Variants in DPP10 observed in about 807,000 individuals in gnomAD.
DPP10 encodes inactive dipeptidyl peptidase 10.
In DPP10, 33 loss-of-function variants were observed where a neutral mutation model predicts 120.9. That is an observed-to-expected ratio of 0.27 (90% CI 0.21 to 0.37). The LOEUF is 0.37. Among genes scored for constraint, DPP10 ranks in the 10% least tolerant of loss-of-function variants. The pLI, the probability that DPP10 is intolerant of heterozygous loss-of-function variation, is 1.00. For missense variants in DPP10, 816 were observed against 942.8 expected (o/e 0.87, Z 1.76); for synonymous variants, 337 against 326.1 (o/e 1.03, Z -0.36).
chr2:115,528,036 A>C (rs935255221), intron 5 of DPP10, among the ~76,000 whole-genome samples: 3 of 152,150 alleles, frequency 2.0e-5, no homozygotes, highest in Non-Finnish European at 4.4e-5. Flanking sequence ...ATATGTGTGC[A>C]TGTGTCTTTA....
intron 4 of DPP10, among the ~76,000 whole-genome samples, chr2:115,503,363 T>C (rs1189588387): frequency 6.6e-6 from 1 of 152,172 alleles, no homozygotes; most frequent in African/African-American, 2.4e-5. Context: ...GTTGGGTATA[T>C]GGAGGTGATA....
intron 1 of DPP10, among the ~76,000 whole-genome samples, chr2:115,299,638 A>G (rs1441165672): frequency 1.3e-5 from 2 of 152,072 alleles, no homozygotes; most frequent in African/African-American, 4.8e-5. Context: ...AATTCAATCT[A>G]TAAAATAGAA....
intron 1 of DPP10, among the ~76,000 whole-genome samples, chr2:114,487,111 C>T (rs963545110): frequency 6.6e-6 from 1 of 152,128 alleles, no homozygotes; most frequent in Non-Finnish European, 1.5e-5. Flanking sequence ...TAACTAGCCT[C>T]TTGAACTCCA....
At position 115,007,274 on chromosome 2, in the gene DPP10, G is replaced by A. The variant is rs535756507; in HGVS notation, c.61-301965G>A. Among the ~76,000 whole-genome samples, 185 of 152,204 alleles carry A rather than the reference G, an allele frequency of 1.2e-3. 1 individual carries two copies. The highest frequency in any genetic ancestry group is 4.2e-3 in the African/African-American group (174 of 41,530). On this transcript the variant is annotated intron_variant, in intron 1 of 25. Transcript: ENST00000410059. ...GGGATGCAAGCCTGGTTCAATATAC[G>A]CAAATCAATAAATCTAATCCAGCAT...
chr2:115,564,876 T>C (rs1023843775), intron 5 of DPP10, among the ~76,000 whole-genome samples: 7 of 152,102 alleles, frequency 4.6e-5, no homozygotes, highest in Non-Finnish European at 7.4e-5. Flanking sequence ...TGGGTTAGAG[T>C]GGGAAGAGCT....
chr2:115,759,532 G>T (rs188668526), intron 11 of DPP10, among the ~76,000 whole-genome samples: 14 of 152,090 alleles, frequency 9.2e-5, no homozygotes, highest in Non-Finnish European at 1.6e-4. Flanking sequence ...CTGTTAAAGA[G>T]GACGTGAAAA....
At chr2:114,740,058 G>A (rs891951950) in intron 1 of DPP10, among the ~76,000 whole-genome samples, 47 of 151,696 alleles carry the variant, frequency 3.1e-4, no homozygotes, top group African/African-American at 9.7e-4. Context: ...ACATGCACAC[G>A]TATGTTTATT....
intron 1 of DPP10, among the ~76,000 whole-genome samples, chr2:115,192,494 G>A (rs1236739300): frequency 6.6e-6 from 1 of 152,234 alleles, no homozygotes; most frequent in East Asian, 1.9e-4. Flanking sequence ...CCTTGATGCA[G>A]TTGGAACAAG....
chr2:115,657,633 TGTGA>T (rs2088499553), intron 5 of DPP10, among the ~76,000 whole-genome samples: 1 of 151,822 alleles, frequency 6.6e-6, no homozygotes, highest in Non-Finnish European at 1.5e-5. Flanking sequence ...AAATTAATAA[TGTGA>T]GTGTGTGTAG....
At chr2:115,348,777 T>A (rs1423194671) in intron 3 of DPP10, among the ~76,000 whole-genome samples, 2 of 152,152 alleles carry the variant, frequency 1.3e-5, no homozygotes, top group Non-Finnish European at 2.9e-5. Flanking sequence ...TGTAATGAGA[T>A]TTTACCGTGC....
chr2:114,670,933 G>T (rs947735080), intron 1 of DPP10, among the ~76,000 whole-genome samples: 2 of 152,048 alleles, frequency 1.3e-5, no homozygotes, highest in Non-Finnish European at 2.9e-5. Flanking sequence ...ATCATAGGTA[G>T]TTACTACCAT....
At chr2:114,690,485 G>A (rs1401601888) in intron 1 of DPP10, among the ~76,000 whole-genome samples, 1 of 152,010 alleles carries the variant, frequency 6.6e-6, no homozygotes, top group Non-Finnish European at 1.5e-5. Flanking sequence ...GGTTACAGTA[G>A]CCTTGTAATA....
chr2:115,746,265 G>T, intron 10 of DPP10, 82 bp downstream of exon 10: 1 of 1,197,884 alleles, frequency 8.3e-7, no homozygotes, highest in Non-Finnish European at 1.2e-6. Context: ...AGAGAGAGAT[G>T]TGATCAGCTC....
chr2:115,346,233 C>T (rs2063705259), intron 3 of DPP10, among the ~76,000 whole-genome samples: 1 of 152,126 alleles, frequency 6.6e-6, no homozygotes, highest in Admixed American at 6.6e-5. Flanking sequence ...GTAACCTTGG[C>T]CTCATTATCA....
intron 1 of DPP10, among the ~76,000 whole-genome samples, chr2:114,584,077 G>T (rs945269207): frequency 6.6e-6 from 1 of 152,110 alleles, no homozygotes; most frequent in Non-Finnish European, 1.5e-5. Flanking sequence ...AGATTCAAAT[G>T]AATATTTCTT....
intron 1 of DPP10, among the ~76,000 whole-genome samples, chr2:114,568,049 T>TAA (rs34026877): frequency 4.7e-5 from 6 of 127,578 alleles, no homozygotes; most frequent in East Asian, 4.6e-4. Context: ...AGAGATACTG[T>TAA]AAAAAAAAAA....
chr2:115,686,174 G>C (rs542527601), intron 5 of DPP10, among the ~76,000 whole-genome samples: 4 of 152,072 alleles, frequency 2.6e-5, no homozygotes, highest in Non-Finnish European at 5.9e-5. Context: ...TGTTGGTCAT[G>C]TTCCTGTTTA....
chr2:114,683,388 C>T (rs1699150954), intron 1 of DPP10, among the ~76,000 whole-genome samples: 1 of 151,748 alleles, frequency 6.6e-6, no homozygotes, highest in Non-Finnish European at 1.5e-5. Flanking sequence ...ATGGAATTCT[C>T]ACCCAGGCCC....
chr2:115,057,764 A>G (rs1848756), intron 1 of DPP10, among the ~76,000 whole-genome samples: 147,380 of 152,264 alleles, frequency 0.97, 71,531 homozygotes, highest in Middle Eastern at 1. Flanking sequence ...GTAAATAAGA[A>G]TCATAGAATT....
Sources: allele counts gnomAD v4.1 joint callset (sites outside exome capture counted in the v4.1 genomes callset), GRCh38; gene constraint gnomAD v4.1.1; transcripts MANE v1.5; gene names NCBI Gene and HGNC (gene_info 2026-07-23, HGNC 2026-07-21).